DNMT3A: variants seen among roughly 807,000 people sequenced by gnomAD.
The protein encoded by DNMT3A is DNA methyltransferase 3 alpha, also known as DNA (cytosine-5)-methyltransferase 3A.
In DNMT3A, 267 loss-of-function variants were observed where a neutral mutation model predicts 117.6. That is an observed-to-expected ratio of 2.27 (90% CI 2.05 to 2.51). The LOEUF is 2.51. Ranked by LOEUF, DNMT3A falls within the 30% of genes most tolerant of loss-of-function variation. DNMT3A has a pLI of 0.00. For synonymous variants in DNMT3A, 432 were observed against 474.8 expected, an observed-to-expected ratio of 0.91 and a Z score of 1.17; for missense variants, 1,029 against 1,260.2, an observed-to-expected ratio of 0.82 and a Z score of 2.78.
At chr2:25,244,075 A>G (rs1339211310) in intron 15 of DNMT3A, 80 bp downstream of exon 15, 1 of 1,596,996 alleles carries the variant, frequency 6.3e-7, no homozygotes, top group Non-Finnish European at 8.5e-7. Context: ...CTAGACCCAC[A>G]CACCCTGCGC....
In DNMT3A at chr2:25,311,446, C is replaced by A. The variant is rs1279886985; in HGVS notation, c.72+2467G>T. Among the ~76,000 whole-genome samples the A allele has an allele frequency of 1.3e-5, 2 of 152,140 alleles. No individual in the cohort carries two copies. The highest frequency in any genetic ancestry group is 2.9e-5 in the Non-Finnish European group (2 of 68,012). ...AGCCCAGAGGTGCCGGGGAAGTGTG[C>A]CAGGTGAGCCAGCATGCGTGGTGTA... On this transcript the variant is annotated intron_variant, in intron 2 of 22. Coordinates refer to ENST00000321117, the MANE Select transcript of DNMT3A (RefSeq NM_022552.5). The surrounding 1 kb of genome is among the most constrained non-coding windows in gnomAD (Gnocchi z 5.2).
At chr2:25,280,310 C>T (rs1366237735) in intron 4 of DNMT3A, among the ~76,000 whole-genome samples, 1 of 137,324 alleles carries the variant, frequency 7.3e-6, no homozygotes. Flanking sequence ...TCCCCACCCC[C>T]CGCCTCCCCG....
At chr2:25,287,428 T>C (rs943339959) in intron 3 of DNMT3A, among the ~76,000 whole-genome samples, 2 of 152,080 alleles carry the variant, frequency 1.3e-5, no homozygotes, top group African/African-American at 4.8e-5. Context: ...TATACCACAC[T>C]TTGGGTCTTC....
intron 1 of DNMT3A, among the ~76,000 whole-genome samples, chr2:25,338,161 G>A (rs1438209657): frequency 6.6e-6 from 1 of 152,172 alleles, no homozygotes; most frequent in African/African-American, 2.4e-5. Context: ...TGACTGGCAC[G>A]TGAATGGCCC....
Position 25,247,232 on chromosome 2 carries a change from A to C in DNMT3A, c.1015-74T>G, listed in dbSNP as rs1227127595. 5 of 1,451,802 alleles carry C rather than the reference A, an allele frequency of 3.4e-6. No individual in the cohort carries two copies. The highest frequency in any genetic ancestry group is 4.8e-6 in the Non-Finnish European group (5 of 1,047,240). The allele number at this position is 1,451,802 out of a possible 1,614,324, so 89.9% of individuals were successfully genotyped here. A position where few individuals can be genotyped will look rare whatever the true frequency, so the allele number is the denominator to read the frequency against. On this transcript the variant is annotated intron_variant, in intron 8 of 22. Transcript: ENST00000321117. The surrounding 1 kb of genome is among the most constrained non-coding windows in gnomAD (Gnocchi z 5.6). The stretch of plus-strand genomic sequence containing the variant: ...ACCCACCCCATGCCTTGCAACTGGC[A>C]GGGGCTGGGAGCCTCGAGAGTCAGT...
At chr2:25,301,851 C>A (rs774095782) in intron 2 of DNMT3A, among the ~76,000 whole-genome samples, 4 of 152,226 alleles carry the variant, frequency 2.6e-5, no homozygotes, top group Non-Finnish European at 4.4e-5. Flanking sequence ...GGGTCCACAG[C>A]TCTCCTGGAG....
At position 25,229,527 on chromosome 2, in the gene DNMT3A, C is replaced by T. The variant is rs561444344; in HGVS notation, c.*4752G>A. ...TACGCAATGACAAACTCAGATTACT[C>T]ACCTCCCGGGACCAAAACAGGGGCC... On this transcript the variant is annotated 3_prime_UTR_variant, in exon 23 of 23. Coordinates refer to ENST00000321117, the MANE Select transcript of DNMT3A (RefSeq NM_022552.5). 3 of 152,380 alleles carry T rather than the reference C, an allele frequency of 2.0e-5. No individual in the cohort carries two copies. The highest frequency in any genetic ancestry group is 7.2e-5 in the African/African-American group (3 of 41,566). 9.4% of individuals were successfully genotyped at this position (152,380 alleles called of 1,614,324 possible). A position where few individuals can be genotyped will look rare whatever the true frequency, so the allele number is the denominator to read the frequency against.
chr2:25,327,411 T>A lies in DNMT3A; in HGVS notation c.-177-13250A>T, dbSNP rs996559988. Among the ~76,000 whole-genome samples, 1 of 152,018 alleles carries A rather than the reference T, an allele frequency of 6.6e-6. No individual in the cohort carries two copies. The highest frequency in any genetic ancestry group is 1.5e-5 in the Non-Finnish European group (1 of 68,002). On this transcript the variant is annotated intron_variant, in intron 1 of 22. Transcript: ENST00000321117. This position sits in a 1 kb window ranked among gnomAD's most constrained non-coding sequence, Gnocchi z 4.1. ...GCTTCAAGCACTCACTCAACAGCCATTTCTTGAGTGCCATTGTGGAGCCGG... is the reference window on the plus strand; with the variant it reads ...GCTTCAAGCACTCACTCAACAGCCAATTCTTGAGTGCCATTGTGGAGCCGG...
rs766474770 is a variant in DNMT3A at position 25,252,171 on chromosome 2, C to A, written c.640-3919G>T. 2 of 1,560,468 alleles carry A rather than the reference C, an allele frequency of 1.3e-6. No individual in the cohort carries two copies. Among genetic ancestry groups the A allele is most frequent in the East Asian group, 2.4e-5 (1 of 41,062 alleles). On this transcript the variant is annotated intron_variant, in intron 6 of 22. Transcript: ENST00000321117. This position sits in a 1 kb window ranked among gnomAD's most constrained non-coding sequence, Gnocchi z 5.5. Reference sequence around the variant, plus strand: ...GCCGCCTCCCCGCCCCCGGTCTCCCCGGGGCTCCGTCCAGGAACCTACCCA... The same window carrying A: ...GCCGCCTCCCCGCCCCCGGTCTCCCAGGGGCTCCGTCCAGGAACCTACCCA...
Position 25,281,764 on chromosome 2 carries a change from G to A in DNMT3A, c.448+677C>T. The A allele has an allele frequency of 2.8e-6, 3 of 1,066,022 alleles. No homozygotes were observed. In the South Asian group the frequency reaches 1.4e-4, roughly 48 times the overall value. 66.0% of individuals were successfully genotyped at this position (1,066,022 alleles called of 1,614,324 possible). A position where few individuals can be genotyped will look rare whatever the true frequency, so the allele number is the denominator to read the frequency against. On this transcript the variant is annotated intron_variant, in intron 4 of 22. Transcript: ENST00000321117. The surrounding 1 kb of genome is among the most constrained non-coding windows in gnomAD (Gnocchi z 4.8). ...TGCTGGCTTAACCTGAAAGAGAAAA[G>A]TGGGCAACTTTCCAGGCTTCCAGGG...
At chr2:25,308,840 A>C (rs1309412299) in intron 2 of DNMT3A, among the ~76,000 whole-genome samples, 1 of 152,148 alleles carries the variant, frequency 6.6e-6, no homozygotes, top group Non-Finnish European at 1.5e-5. Flanking sequence ...CCAAGGATGG[A>C]GGCCCTTGTA....
At position 25,252,275 on chromosome 2, in the gene DNMT3A, T is replaced by C. The variant is rs1675668020; in HGVS notation, c.640-4023A>G. 16 of 1,144,692 alleles carry C rather than the reference T, an allele frequency of 1.4e-5. No individual in the cohort carries two copies. The highest frequency in any genetic ancestry group is 1.8e-5 in the Non-Finnish European group (16 of 901,832). 70.9% of individuals were successfully genotyped at this position (1,144,692 alleles called of 1,614,324 possible). On this transcript the variant is annotated intron_variant, in intron 6 of 22. Transcript: ENST00000321117. This position sits in a 1 kb window ranked among gnomAD's most constrained non-coding sequence, Gnocchi z 5.5. ...GAAGCTCTGGAAGTAGCTGCCCGTC[T>C]TGGGGGAGGGGAAGGGGGCGATGGG...
chr2:25,295,000 C>T lies in DNMT3A; in HGVS notation c.177+5139G>A, dbSNP rs969128267. On this transcript the variant is annotated intron_variant, in intron 3 of 22. Transcript: ENST00000321117. This position sits in a 1 kb window ranked among gnomAD's most constrained non-coding sequence, Gnocchi z 4.7. ...GGTATAAATCGTCAATGAATAAATA[C>T]GCATCGCTAGTAAATAGGGGATGGA... Among the ~76,000 whole-genome samples the T allele has an allele frequency of 3.9e-5, 6 of 152,198 alleles. No individual in the cohort carries two copies. Among genetic ancestry groups the T allele is most frequent in the South Asian group, 2.1e-4 (1 of 4,836 alleles).
At position 25,296,688 on chromosome 2, in the gene DNMT3A, C is replaced by A. The variant is rs1295320034; in HGVS notation, c.177+3451G>T. ...CACACTGGCCTGGGCATGCAAGGGG[C>A]AGGTGGAGTCTGGTTTGGGTGAGGG... On this transcript the variant is annotated intron_variant, in intron 3 of 22. Transcript: ENST00000321117. The surrounding 1 kb of genome is among the most constrained non-coding windows in gnomAD (Gnocchi z 4.2). Among the ~76,000 whole-genome samples the A allele has an allele frequency of 6.6e-6, 1 of 152,182 alleles. No homozygotes were observed. Among genetic ancestry groups the A allele is most frequent in the Non-Finnish European group, 1.5e-5 (1 of 68,020 alleles).
intron 13 of DNMT3A, among the ~76,000 whole-genome samples, 159 bp downstream of exon 13, chr2:25,245,094 C>T (rs539317630): frequency 6.6e-6 from 1 of 152,346 alleles, no homozygotes; most frequent in South Asian, 2.1e-4. Flanking sequence ...ACCCAAGGGC[C>T]CGTGTCATCA....
At chr2:25,245,139 AT>A in intron 13 of DNMT3A, 113 bp downstream of exon 13, 1 of 967,714 alleles carries the variant, frequency 1.0e-6, no homozygotes, top group Non-Finnish European at 1.6e-6. Context: ...TGAAGTCTAC[AT>A]CACACGCACA....
Position 25,235,718 on chromosome 2 carries a change from AGT to A in DNMT3A, c.2584_2585del (p.Thr862Ter). 1.2e-6 allele frequency: 2 copies of A among 1,613,800 alleles called. No individual in the cohort carries two copies. The highest frequency in any genetic ancestry group is 1.7e-6 in the Non-Finnish European group (2 of 1,179,760). The stretch of plus-strand genomic sequence containing the variant: ...CACAACCCGGGTACCTTTCCATTTC[AGT>A]GCACCATAAGATGTCCTCTTTCTCA... Reference protein sequence around the residue: ...MNEKEDILWCTEMERVFGFPV... With the variant: ...MNEKEDILWCXEMERVFGFPV... On this transcript the variant is annotated frameshift_variant, in exon 22 of 23. Coordinates refer to ENST00000321117, the MANE Select transcript of DNMT3A (RefSeq NM_022552.5). LOFTEE classifies it high-confidence loss of function.
At chr2:25,312,955 C>T (rs1275600221) in intron 2 of DNMT3A, among the ~76,000 whole-genome samples, 1 of 152,098 alleles carries the variant, frequency 6.6e-6, no homozygotes, top group African/African-American at 2.4e-5. Context: ...CAACCCCCAG[C>T]GCTACTCAGG....
At position 25,341,834 on chromosome 2, in the gene DNMT3A, C is replaced by T; in HGVS notation, c.-186G>A. On this transcript the variant is annotated 5_prime_UTR_variant, in exon 1 of 23. Transcript: ENST00000321117. Reference sequence around the variant, plus strand: ...GCAGCGGCGCTCATTACCGTATGGCCGGTGGGGTCGGGCCGGCCCGGCTGC... The same window carrying T: ...GCAGCGGCGCTCATTACCGTATGGCTGGTGGGGTCGGGCCGGCCCGGCTGC... The T allele has an allele frequency of 1.0e-6, 1 of 980,396 alleles. No individual in the cohort carries two copies. Among genetic ancestry groups the T allele is most frequent in the African/African-American group, 1.8e-5 (1 of 56,664 alleles). The allele number at this position is 980,396 out of a possible 1,614,324, so 60.7% of individuals were successfully genotyped here.
Sources: allele counts gnomAD v4.1 joint callset (sites outside exome capture counted in the v4.1 genomes callset), GRCh38; gene constraint gnomAD v4.1.1; non-coding constraint Gnocchi (gnomAD v3.1); transcripts MANE v1.5; gene names NCBI Gene and HGNC (gene_info 2026-07-23, HGNC 2026-07-21).